The following KLHL14 variants were observed in gnomAD, a reference collection of about 807,000 sequenced individuals.
The protein encoded by KLHL14 is kelch like family member 14, also known as kelch-like protein 14.
KLHL14 carries 22 observed loss-of-function variants against 64.3 expected under a neutral mutation model. That is an observed-to-expected ratio of 0.34 (90% CI 0.24 to 0.49). The LOEUF (loss-of-function observed/expected upper bound fraction) is 0.49. Among genes scored for constraint, KLHL14 ranks in the 20% least tolerant of loss-of-function variants. The pLI is 0.99. For synonymous variants in KLHL14, 322 were observed against 333.4 expected (o/e 0.97, Z 0.37); for missense variants, 661 against 789.0 (o/e 0.84, Z 1.94).
At chr18:32,732,577 A>G (rs1236452830) in intron 3 of KLHL14, among the ~76,000 whole-genome samples, 1 of 152,200 alleles carries the variant, frequency 6.6e-6, no homozygotes, top group African/African-American at 2.4e-5. Flanking sequence ...AAATTTCAAG[A>G]GTCAGTGTGA....
intron 2 of KLHL14, among the ~76,000 whole-genome samples, chr18:32,767,331 A>T (rs1449518921): frequency 6.6e-6 from 1 of 151,830 alleles, no homozygotes; most frequent in Non-Finnish European, 1.5e-5. Flanking sequence ...CAATTAAAAT[A>T]ATGTAATTAG....
At chr18:32,704,856 C>T (rs74429328) in intron 3 of KLHL14, among the ~76,000 whole-genome samples, 1 of 152,102 alleles carries the variant, frequency 6.6e-6, no homozygotes, top group Non-Finnish European at 1.5e-5. Flanking sequence ...CATCCCAGAG[C>T]CCACTGTGTA....
chr18:32,715,413 C>G (rs369501736), intron 3 of KLHL14, among the ~76,000 whole-genome samples: 7 of 152,198 alleles, frequency 4.6e-5, no homozygotes, highest in African/African-American at 1.4e-4. Context: ...CTTTAAGAGA[C>G]AAACATTTTA....
chr18:32,714,466 C>T lies in KLHL14; in HGVS notation c.1070-18914G>A, dbSNP rs1030273525. Among the ~76,000 whole-genome samples, 10 of 152,278 alleles carry T rather than the reference C, an allele frequency of 6.6e-5. No individual in the cohort carries two copies. The South Asian group carries it at 1.0e-3, about 16-fold the overall frequency. ...ACTAAGAAGGCAAGTAAAAAGTTCT[C>T]ATTAAAGCAGAGTAATTATAGATAC... On this transcript the variant is annotated intron_variant, in intron 3 of 8. Transcript: ENST00000359358.
At chr18:32,760,075 C>T (rs77748371) in intron 2 of KLHL14, among the ~76,000 whole-genome samples, 1 of 152,094 alleles carries the variant, frequency 6.6e-6, no homozygotes, top group Non-Finnish European at 1.5e-5. Flanking sequence ...GAGGGGTGCT[C>T]AAAATCAGAG....
At chr18:32,743,239 G>A (rs773890071) in intron 2 of KLHL14, 3 of 152,242 alleles carry the variant, frequency 2.0e-5, no homozygotes, top group Non-Finnish European at 2.9e-5. Flanking sequence ...ATTCCTCTTA[G>A]TGATGATCAC....
At chr18:32,679,123 A>T (rs912483493) in intron 7 of KLHL14, among the ~76,000 whole-genome samples, 5 of 151,768 alleles carry the variant, frequency 3.3e-5, no homozygotes, top group African/African-American at 1.2e-4. Flanking sequence ...ACTTAAGCTG[A>T]GCAGCAGACA....
intron 3 of KLHL14, among the ~76,000 whole-genome samples, chr18:32,708,658 T>C (rs2050003188): frequency 6.6e-6 from 1 of 152,162 alleles, no homozygotes; most frequent in South Asian, 2.1e-4. Flanking sequence ...CACACAGCAG[T>C]AGAATGTGAG....
At chr18:32,758,183 A>AC (rs1378763937) in intron 2 of KLHL14, among the ~76,000 whole-genome samples, 1 of 151,770 alleles carries the variant, frequency 6.6e-6, no homozygotes. Flanking sequence ...AGTGCAGTGG[A>AC]CCGATCACAG....
At chr18:32,769,396 C>T (rs2050364342) in intron 2 of KLHL14, among the ~76,000 whole-genome samples, 1 of 152,180 alleles carries the variant, frequency 6.6e-6, no homozygotes, top group South Asian at 2.1e-4. Flanking sequence ...ATGTTTACGG[C>T]TCTGGGGATA....
chr18:32,685,247 C>T (rs1442416762), intron 5 of KLHL14, among the ~76,000 whole-genome samples: 1 of 152,056 alleles, frequency 6.6e-6, no homozygotes, highest in Non-Finnish European at 1.5e-5. Flanking sequence ...GAAGTCATTA[C>T]AGACTATCAA....
chr18:32,741,693 A>G (rs1242935590), intron 3 of KLHL14, among the ~76,000 whole-genome samples: 2 of 152,154 alleles, frequency 1.3e-5, no homozygotes, highest in Non-Finnish European at 1.5e-5. Flanking sequence ...GCACATACAG[A>G]AACGTAAACC....
rs761093850 is a variant in KLHL14, at chr18:32,769,898, C to A, written c.694G>T (p.Val232Leu). ...RALLDSLPPP[V>L]ESELALFQMS... ...TGGAAGAGCGCCAGCTCCGACTCCA[C>A]GGGGGGCGGCAGCGAGTCCAGCAGG... The change falls in exon 2 of 9, where the codon GTG (valine) becomes TTG (leucine). Residue 232 changes from valine (V) to leucine (L), a missense_variant. Coordinates refer to ENST00000359358, the MANE Select transcript of KLHL14 (RefSeq NM_020805.3). 2.5e-6 allele frequency: 4 copies of A among 1,614,022 alleles called. No homozygotes were observed. Among genetic ancestry groups the A allele is most frequent in the East Asian group, 4.5e-5 (2 of 44,864 alleles).
At chr18:32,747,958 A>G (rs1271934808) in intron 2 of KLHL14, among the ~76,000 whole-genome samples, 1 of 152,190 alleles carries the variant, frequency 6.6e-6, no homozygotes, top group African/African-American at 2.4e-5. Flanking sequence ...ACAGTTAGCA[A>G]TTGTTAACTG....
chr18:32,715,211 A>T (rs1014422742), intron 3 of KLHL14, among the ~76,000 whole-genome samples: 1 of 152,136 alleles, frequency 6.6e-6, no homozygotes, highest in Admixed American at 6.5e-5. Flanking sequence ...CATAGCAGAG[A>T]TGTAATGAGC....
Position 32,680,094 on chromosome 18 carries a change from G to T in KLHL14, c.1588+75C>A. On this transcript the variant is annotated intron_variant, in intron 7 of 8. Transcript: ENST00000359358. The surrounding 1 kb of genome is among the most constrained non-coding windows in gnomAD (Gnocchi z 4.8). ...TACTTGGTTAACTATGATTATCTAA[G>T]GAGAAACCCCCTTAGCGAGAAATAT... is the stretch of plus-strand genomic sequence containing the variant. 1 of 1,439,786 alleles carries T rather than the reference G, an allele frequency of 6.9e-7. No individual in the cohort carries two copies. The allele number at this position is 1,439,786 out of a possible 1,614,324, so 89.2% of individuals were successfully genotyped here.
At chr18:32,712,621 T>C (rs1168174044) in intron 3 of KLHL14, among the ~76,000 whole-genome samples, 1 of 152,178 alleles carries the variant, frequency 6.6e-6, no homozygotes, top group African/African-American at 2.4e-5. Context: ...AAAAGACATC[T>C]CTTGAATCAA....
chr18:32,680,657 G>T lies in KLHL14; in HGVS notation c.1239-58C>A. On this transcript the variant is annotated intron_variant, in intron 5 of 8. Coordinates refer to ENST00000359358, the MANE Select transcript of KLHL14 (RefSeq NM_020805.3). This position sits in a 1 kb window ranked among gnomAD's most constrained non-coding sequence, Gnocchi z 4.8. ...GAGGAGCTGTGAAATGTTACCTTTC[G>T]AAATAAGATAAGCACCACACAGCTA... is the stretch of plus-strand genomic sequence containing the variant. 1 of 1,500,022 alleles carries T rather than the reference G, an allele frequency of 6.7e-7. No homozygotes were observed. Among genetic ancestry groups the T allele is most frequent in the South Asian group, 1.2e-5 (1 of 82,470 alleles). 92.9% of individuals were successfully genotyped at this position (1,500,022 alleles called of 1,614,324 possible).
intron 8 of KLHL14, among the ~76,000 whole-genome samples, chr18:32,676,302 T>A (rs1052895226): frequency 6.6e-6 from 1 of 152,132 alleles, no homozygotes; most frequent in African/African-American, 2.4e-5. Context: ...TAACTGAACC[T>A]CTTTTGTCAA....
Sources: allele counts gnomAD v4.1 joint callset (sites outside exome capture counted in the v4.1 genomes callset), GRCh38; gene constraint gnomAD v4.1.1; non-coding constraint Gnocchi (gnomAD v3.1); transcripts MANE v1.5; gene names NCBI Gene and HGNC (gene_info 2026-07-23, HGNC 2026-07-21).